NTRK2: variants seen among roughly 807,000 people sequenced by gnomAD.
The protein encoded by NTRK2 is neurotrophic receptor tyrosine kinase 2, also known as BDNF/NT-3 growth factors receptor.
In NTRK2, 13 loss-of-function variants were observed where a neutral mutation model predicts 94.5. The ratio of observed to expected loss-of-function variants is 0.14; its 90% CI spans 0.09 to 0.22. NTRK2 has a LOEUF of 0.22. Among genes scored for constraint, NTRK2 ranks in the 10% least tolerant of loss-of-function variants. The probability of loss-of-function intolerance (pLI) is 1.00; values close to 1 mark genes in which losing one functional copy is unlikely to be tolerated. For missense variants in NTRK2, 639 were observed against 1,071.2 expected (o/e 0.60, Z 5.63); for synonymous variants, 372 against 407.4 (o/e 0.91, Z 1.05).
chr9:85,018,684 ACC>A (rs1184073463), intron 17 of NTRK2, among the ~76,000 whole-genome samples: 1 of 152,184 alleles, frequency 6.6e-6, no homozygotes, highest in Non-Finnish European at 1.5e-5. Context: ...CATATTTACT[ACC>A]CACATCCTTT....
chr9:85,016,386 A>C (rs1157791739), intron 17 of NTRK2, among the ~76,000 whole-genome samples: 1 of 152,186 alleles, frequency 6.6e-6, no homozygotes, highest in Non-Finnish European at 1.5e-5. Context: ...TTTAGTGAAG[A>C]CCATGAGACC....
intron 14 of NTRK2, among the ~76,000 whole-genome samples, chr9:84,882,668 GT>G (rs917366980): frequency 6.6e-6 from 1 of 151,770 alleles, no homozygotes; most frequent in Admixed American, 6.6e-5. Flanking sequence ...TTGGACCTGT[GT>G]TTTTCACTGT....
intron 12 of NTRK2, among the ~76,000 whole-genome samples, chr9:84,760,569 T>G (rs2132637428): frequency 6.6e-6 from 1 of 152,378 alleles, no homozygotes; most frequent in Admixed American, 6.5e-5. Context: ...TTTTAAGCCC[T>G]TCAGCCCTTT....
intron 14 of NTRK2, among the ~76,000 whole-genome samples, chr9:84,895,710 G>A (rs1432760534): frequency 6.6e-6 from 1 of 152,212 alleles, no homozygotes; most frequent in Non-Finnish European, 1.5e-5. Context: ...ATAGAGTGTT[G>A]AGAGAGTGCA....
intron 12 of NTRK2, among the ~76,000 whole-genome samples, chr9:84,765,506 C>T (rs956254527): frequency 6.6e-6 from 1 of 152,030 alleles, no homozygotes; most frequent in Non-Finnish European, 1.5e-5. Context: ...GATGGTGGGC[C>T]CAGAGAACTT....
chr9:84,814,302 A>G (rs2072133089), intron 12 of NTRK2: 2 of 1,065,130 alleles, frequency 1.9e-6, no homozygotes, highest in Non-Finnish European at 2.3e-6. Flanking sequence ...ACACCTCTTC[A>G]GGGGTGTGTG....
chr9:84,887,197 A>C (rs2076442288), intron 14 of NTRK2, among the ~76,000 whole-genome samples: 1 of 152,212 alleles, frequency 6.6e-6, no homozygotes, highest in African/African-American at 2.4e-5. Context: ...ATAATTTATA[A>C]TATTTCAGGA....
chr9:84,896,305 G>C (rs1272481528), intron 14 of NTRK2, among the ~76,000 whole-genome samples: 1 of 152,244 alleles, frequency 6.6e-6, no homozygotes, highest in Non-Finnish European at 1.5e-5. Context: ...TGAGGATAGA[G>C]ATATTGGTCT....
At chr9:84,695,477 C>A (rs895787899) in intron 2 of NTRK2, among the ~76,000 whole-genome samples, 4 of 152,298 alleles carry the variant, frequency 2.6e-5, no homozygotes, top group Middle Eastern at 3.4e-3. Flanking sequence ...AAAATTACCT[C>A]TTTTCTCTTA....
chr9:84,928,871 A>C lies in NTRK2; in HGVS notation c.1634-5291A>C, dbSNP rs2289660. 3.9e-5 allele frequency among the ~76,000 whole-genome samples: 6 copies of C among 152,226 alleles called. No homozygotes were observed. The East Asian group carries it at 1.2e-3, about 29-fold the overall frequency. On this transcript the variant is annotated intron_variant, in intron 14 of 18. Coordinates refer to ENST00000277120, the MANE Select transcript of NTRK2 (RefSeq NM_006180.6). ...ATTAGTTTTAATCTTTCTCCTGAAA[A>C]CTTTAAGATCTCTCTCTTTTTAACT...
chr9:85,010,339 A>G (rs961037657), intron 17 of NTRK2, among the ~76,000 whole-genome samples: 2 of 152,168 alleles, frequency 1.3e-5, no homozygotes, highest in Admixed American at 6.5e-5. Flanking sequence ...TTTTCTCAGC[A>G]CCTTGGTAGT....
intron 12 of NTRK2, among the ~76,000 whole-genome samples, chr9:84,781,354 T>C (rs1405685933): frequency 6.6e-6 from 1 of 152,172 alleles, no homozygotes; most frequent in Non-Finnish European, 1.5e-5. Flanking sequence ...TATGTATATG[T>C]TTTGTTGACG....
At chr9:84,808,657 A>G (rs2071401917) in intron 12 of NTRK2, among the ~76,000 whole-genome samples, 1 of 152,256 alleles carries the variant, frequency 6.6e-6, no homozygotes, top group African/African-American at 2.4e-5. Context: ...AGGAGACTGG[A>G]GACAGATATG....
At chr9:84,783,627 T>C (rs1048035985) in intron 12 of NTRK2, among the ~76,000 whole-genome samples, 1 of 152,130 alleles carries the variant, frequency 6.6e-6, no homozygotes, top group African/African-American at 2.4e-5. Context: ...AAGGAGGCTT[T>C]GGGATTTGCA....
intron 14 of NTRK2, among the ~76,000 whole-genome samples, chr9:84,880,568 G>A (rs1030431000): frequency 7.2e-4 from 110 of 152,154 alleles, no homozygotes; most frequent in Non-Finnish European, 1.0e-4. Context: ...TTAGAGAGCC[G>A]TTTTAAAAAC....
chr9:84,911,825 AT>A (rs2077244069), intron 14 of NTRK2, among the ~76,000 whole-genome samples: 1 of 151,634 alleles, frequency 6.6e-6, no homozygotes, highest in Admixed American at 6.6e-5. Flanking sequence ...TTTCCTTCTA[AT>A]TTCTTGTGGT....
chr9:84,748,497 A>G (rs1030984240), intron 11 of NTRK2, among the ~76,000 whole-genome samples: 1 of 152,214 alleles, frequency 6.6e-6, no homozygotes. Context: ...AGCTTGGATA[A>G]GTGAAGCATC....
chr9:84,854,365 T>C (rs2074952254), intron 12 of NTRK2, among the ~76,000 whole-genome samples: 1 of 152,196 alleles, frequency 6.6e-6, no homozygotes, highest in Non-Finnish European at 1.5e-5. Context: ...TTGTGCTTCC[T>C]GGGATCTCTT....
chr9:84,804,014 G>T (rs1673772510), intron 12 of NTRK2, among the ~76,000 whole-genome samples: 1 of 152,136 alleles, frequency 6.6e-6, no homozygotes. Context: ...CCCCCTGATT[G>T]TTGCTATCTT....
Sources: allele counts gnomAD v4.1 joint callset (sites outside exome capture counted in the v4.1 genomes callset), GRCh38; gene constraint gnomAD v4.1.1; transcripts MANE v1.5; gene names NCBI Gene and HGNC (gene_info 2026-07-23, HGNC 2026-07-21).